The following ATP8A1 variants were observed in gnomAD, a reference collection of about 807,000 sequenced individuals.
The protein encoded by ATP8A1 is ATPase phospholipid transporting 8A1, also known as phospholipid-transporting ATPase IA.
Under a neutral mutation model 177.7 loss-of-function variants are expected in ATP8A1, and 90 were observed. That is an observed-to-expected ratio of 0.51 (90% confidence interval 0.43 to 0.60). The LOEUF is 0.60. Among genes scored for constraint, ATP8A1 ranks in the 20% least tolerant of loss-of-function variants. The pLI is 0.00. For synonymous variants in ATP8A1, 493 were observed against 485.9 expected (o/e 1.01, Z -0.19); for missense variants, 1,072 against 1,392.8 (o/e 0.77, Z 3.67).
At chr4:42,555,085 G>GTATCTATCTATATCTATCTATC (rs1347314877) in intron 16 of ATP8A1, among the ~76,000 whole-genome samples, 2 of 119,476 alleles carry the variant, frequency 1.7e-5, no homozygotes, top group African/African-American at 6.5e-5. Context: ...CTTTGTGTGT[G>GTATCTATCTATATCTATCTATC]TATCTATCTA....
intron 4 of ATP8A1, among the ~76,000 whole-genome samples, chr4:42,620,359 C>T (rs534115509): frequency 6.6e-6 from 1 of 152,270 alleles, no homozygotes; most frequent in African/African-American, 2.4e-5. Context: ...TATTATCTCA[C>T]AATACTATTA....
At chr4:42,431,152 T>A (rs1715253322) in intron 33 of ATP8A1, among the ~76,000 whole-genome samples, 1 of 152,184 alleles carries the variant, frequency 6.6e-6, no homozygotes, top group African/African-American at 2.4e-5. Flanking sequence ...ATTTAACGAC[T>A]AAGTTACTAA....
At chr4:42,583,949 C>A (rs1373002721) in intron 9 of ATP8A1, among the ~76,000 whole-genome samples, 2 of 152,130 alleles carry the variant, frequency 1.3e-5, no homozygotes, top group African/African-American at 4.8e-5. Context: ...TATAAATGGC[C>A]AAATCTATCA....
intron 25 of ATP8A1, among the ~76,000 whole-genome samples, chr4:42,478,193 G>A (rs2153187369): frequency 6.6e-6 from 1 of 151,890 alleles, no homozygotes; most frequent in Non-Finnish European, 1.5e-5. Flanking sequence ...CATCTCTACT[G>A]AAAATACAAA....
chr4:42,416,207 G>A (rs892150628), intron 35 of ATP8A1, among the ~76,000 whole-genome samples: 1 of 152,182 alleles, frequency 6.6e-6, no homozygotes, highest in Non-Finnish European at 1.5e-5. Flanking sequence ...CTGCTTTGAG[G>A]AAGTCGCAGC....
At chr4:42,496,193 C>A (rs1208866377) in intron 24 of ATP8A1, among the ~76,000 whole-genome samples, 1 of 152,140 alleles carries the variant, frequency 6.6e-6, no homozygotes, top group African/African-American at 2.4e-5. Flanking sequence ...AATCTGTGTC[C>A]AGTCTGTGTT....
At chr4:42,520,225 T>C (rs1334705824) in intron 22 of ATP8A1, among the ~76,000 whole-genome samples, 1 of 152,146 alleles carries the variant, frequency 6.6e-6, no homozygotes, top group African/African-American at 2.4e-5. Flanking sequence ...CAATTTAATA[T>C]GTTTAGAATC....
At chr4:42,439,932 C>A (rs555312812) in intron 33 of ATP8A1, among the ~76,000 whole-genome samples, 1 of 152,220 alleles carries the variant, frequency 6.6e-6, no homozygotes, top group African/African-American at 2.4e-5. Context: ...CTTATCTCTG[C>A]CACTATGAGT....
intron 1 of ATP8A1, among the ~76,000 whole-genome samples, chr4:42,655,306 C>A (rs1741504638): frequency 6.6e-6 from 1 of 152,232 alleles, no homozygotes; most frequent in South Asian, 2.1e-4. Flanking sequence ...TGTAAAAGTA[C>A]TTTGGAAAAT....
intron 21 of ATP8A1, 117 bp downstream of exon 21, chr4:42,524,646 A>G: frequency 1.8e-6 from 1 of 557,848 alleles, no homozygotes; most frequent in Non-Finnish European, 3.0e-6. Context: ...AATTGCCAAC[A>G]GCTGATATCT....
intron 1 of ATP8A1, among the ~76,000 whole-genome samples, chr4:42,636,068 C>T (rs1445691685): frequency 2.3e-5 from 3 of 128,996 alleles, no homozygotes; most frequent in Non-Finnish European, 3.5e-5. Context: ...GAGCAGTCCC[C>T]TAAGACTATG....
chr4:42,507,692 T>C (rs1724518270), intron 22 of ATP8A1, among the ~76,000 whole-genome samples: 1 of 120,844 alleles, frequency 8.3e-6, no homozygotes, highest in Non-Finnish European at 1.6e-5. Context: ...ATCGTGCCAC[T>C]GCACTCCAGC....
rs369301045 is a variant in ATP8A1, at chr4:42,448,244, C to G, written c.2897-1600G>C. 2.4e-4 allele frequency among the ~76,000 whole-genome samples: 37 copies of G among 152,088 alleles called. No homozygotes were observed. The Middle Eastern group carries it at 0.01, about 42-fold the overall frequency. ...TTAATAGAAAGCAGCTGGATTCTCA[C>G]GTTTTGGTTGAAATATAAAAGGAAA... On this transcript the variant is annotated intron_variant, in intron 30 of 36. Coordinates refer to ENST00000381668, the MANE Select transcript of ATP8A1 (RefSeq NM_006095.2).
chr4:42,517,562 C>T lies in ATP8A1; in HGVS notation c.1947+4598G>A, dbSNP rs182363749. On this transcript the variant is annotated intron_variant, in intron 22 of 36. Transcript: ENST00000381668. Reference sequence around the variant, plus strand: ...AAGTGAGTCAAGACAACTGAAATATCCCATATGATAATCCCATCTGCATTC... The same window carrying T: ...AAGTGAGTCAAGACAACTGAAATATTCCATATGATAATCCCATCTGCATTC... Among the ~76,000 whole-genome samples, 36 of 152,270 alleles carry T rather than the reference C, an allele frequency of 2.4e-4. No homozygotes were observed. In the East Asian group the frequency reaches 6.7e-3, roughly 29 times the overall value.
At chr4:42,497,214 C>T (rs1287727588) in intron 24 of ATP8A1, among the ~76,000 whole-genome samples, 4 of 152,192 alleles carry the variant, frequency 2.6e-5, no homozygotes, top group Admixed American at 6.5e-5. Flanking sequence ...ACTTGCTAGA[C>T]ATGGGAACTC....
At chr4:42,578,475 C>T in intron 11 of ATP8A1, 88 bp from the exon 12 acceptor site, 1 of 1,418,646 alleles carries the variant, frequency 7.0e-7, no homozygotes, top group East Asian at 2.3e-5. Context: ...GTTTTCCATA[C>T]TACGCAGCTT....
rs535335409 is a variant in ATP8A1, at chr4:42,511,864, A to G, written c.1948-4710T>C. ...TGATATGCTTCTAAATGAGAAAGATATAATAATCAAACTCGTATCAACCTA... is the reference window on the plus strand; with the variant it reads ...TGATATGCTTCTAAATGAGAAAGATGTAATAATCAAACTCGTATCAACCTA... On this transcript the variant is annotated intron_variant, in intron 22 of 36. Coordinates refer to ENST00000381668, the MANE Select transcript of ATP8A1 (RefSeq NM_006095.2). 2.6e-5 allele frequency among the ~76,000 whole-genome samples: 4 copies of G among 152,318 alleles called. No individual in the cohort carries two copies. The East Asian group carries it at 5.8e-4, about 22-fold the overall frequency.
chr4:42,610,855 G>A (rs1050289552), intron 5 of ATP8A1, among the ~76,000 whole-genome samples: 2 of 152,106 alleles, frequency 1.3e-5, no homozygotes, highest in South Asian at 4.1e-4. Context: ...CAACATACAC[G>A]TGGCAGAATA....
intron 7 of ATP8A1, 28 bp downstream of exon 7, chr4:42,590,783 G>A (rs750905326): frequency 3.2e-5 from 52 of 1,602,872 alleles, no homozygotes; most frequent in Admixed American, 1.7e-5. Context: ...CCACATACAC[G>A]CATCCTATAC....
Sources: allele counts gnomAD v4.1 joint callset (sites outside exome capture counted in the v4.1 genomes callset), GRCh38; gene constraint gnomAD v4.1.1; transcripts MANE v1.5; gene names NCBI Gene and HGNC (gene_info 2026-07-23, HGNC 2026-07-21).